SHISA9: variants seen among roughly 807,000 people sequenced by gnomAD.
The protein encoded by SHISA9 is protein shisa-9.
A neutral mutation model predicts 38.0 loss-of-function variants in SHISA9; 13 were observed. The observed-to-expected ratio is 0.34, with a 90% CI of 0.22 to 0.54. The LOEUF is 0.54. SHISA9 is among the 20% of genes least tolerant of loss of function. The pLI is 0.91. For synonymous variants in SHISA9, 275 were observed against 242.0 expected (o/e 1.14, Z -1.27); for missense variants, 538 against 575.8 (o/e 0.93, Z 0.67).
chr16:13,065,254 A>ATT (rs986702481), intron 2 of SHISA9, among the ~76,000 whole-genome samples: 3 of 151,442 alleles, frequency 2.0e-5, no homozygotes, highest in Non-Finnish European at 4.4e-5. Flanking sequence ...CTTATCACTG[A>ATT]TTTTTCTCTC....
chr16:13,070,731 G>A (rs1754250314), intron 2 of SHISA9, among the ~76,000 whole-genome samples: 1 of 152,188 alleles, frequency 6.6e-6, no homozygotes, highest in African/African-American at 2.4e-5. Context: ...TATGCAGTTG[G>A]TGTTATCTTT....
intron 4 of SHISA9, among the ~76,000 whole-genome samples, chr16:13,213,749 A>T (rs111864053): frequency 0.019 from 2,928 of 152,236 alleles, 55 homozygotes; most frequent in Non-Finnish European, 0.032. Context: ...ACAGAATGCT[A>T]TTTTCAACTT....
the SHISA9 span, among the ~76,000 whole-genome samples, chr16:13,516,063 G>T: frequency 1.3e-5 from 2 of 152,134 alleles, no homozygotes; most frequent in African/African-American, 2.4e-5. Context: ...TGCATGGTAG[G>T]CTGCTCAAAA....
chr16:13,164,018 G>C (rs967046367), intron 2 of SHISA9, among the ~76,000 whole-genome samples: 1 of 151,914 alleles, frequency 6.6e-6, no homozygotes, highest in South Asian at 2.1e-4. Context: ...GTAAAATGTT[G>C]AATATAAATG....
At chr16:13,509,118 A>G in the SHISA9 span, among the ~76,000 whole-genome samples, 8 of 152,214 alleles carry the variant, frequency 5.3e-5, no homozygotes, top group East Asian at 1.2e-3. Context: ...GGGTAATCAC[A>G]CAGTGGAGGT....
At chr16:13,111,269 G>A (rs2073975348) in intron 2 of SHISA9, among the ~76,000 whole-genome samples, 2 of 151,816 alleles carry the variant, frequency 1.3e-5, no homozygotes. Context: ...CTTACAGAAT[G>A]GGAGAAAATT....
chr16:13,425,802 G>A, the SHISA9 span, among the ~76,000 whole-genome samples: 4 of 152,192 alleles, frequency 2.6e-5, no homozygotes, highest in African/African-American at 9.7e-5. Context: ...AAACTCATTT[G>A]AGAGTCGTTG....
chr16:13,080,071 C>T (rs908029340), intron 2 of SHISA9, among the ~76,000 whole-genome samples: 1 of 152,070 alleles, frequency 6.6e-6, no homozygotes, highest in Non-Finnish European at 1.5e-5. Flanking sequence ...ATTGGACCAT[C>T]TTGTAAACAC....
chr16:13,011,319 A>ATTTTTTTTT (rs55755155), intron 2 of SHISA9, among the ~76,000 whole-genome samples: 1 of 127,706 alleles, frequency 7.8e-6, no homozygotes, highest in African/African-American at 2.9e-5. Flanking sequence ...ATTAGCACTC[A>ATTTTTTTTT]TTTTTTTTTT....
At chr16:13,190,183 A>T (rs1291210469) in intron 2 of SHISA9, among the ~76,000 whole-genome samples, 1 of 151,516 alleles carries the variant, frequency 6.6e-6, no homozygotes, top group Admixed American at 6.6e-5. Flanking sequence ...GCACCCACTA[A>T]CTTGTCATCC....
At chr16:13,113,036 C>T (rs1451662338) in intron 2 of SHISA9, among the ~76,000 whole-genome samples, 1 of 151,678 alleles carries the variant, frequency 6.6e-6, no homozygotes, top group African/African-American at 2.4e-5. Context: ...ATGGTAAAAC[C>T]CCATCTCTAT....
At chr16:13,245,333 C>G (rs943079259), downstream of SHISA9, among the ~76,000 whole-genome samples, 5 of 152,210 alleles carry the variant, frequency 3.3e-5, no homozygotes, top group African/African-American at 7.2e-5. Context: ...ATTCTACCCA[C>G]AAATCCCTCT....
the SHISA9 span, among the ~76,000 whole-genome samples, chr16:13,291,657 T>A: frequency 2.0e-5 from 3 of 152,198 alleles, no homozygotes; most frequent in Non-Finnish European, 4.4e-5. Flanking sequence ...AAGTTGATAT[T>A]TGAGTTACTT....
the SHISA9 span, among the ~76,000 whole-genome samples, chr16:13,409,597 G>A: frequency 1.3e-5 from 2 of 152,266 alleles, no homozygotes; most frequent in Non-Finnish European, 2.9e-5. Flanking sequence ...AGCTACACAA[G>A]GGCAGCTTAT....
At chr16:13,045,317 G>T (rs1185494006) in intron 2 of SHISA9, among the ~76,000 whole-genome samples, 1 of 152,178 alleles carries the variant, frequency 6.6e-6, no homozygotes, top group Non-Finnish European at 1.5e-5. Flanking sequence ...TGCAGGTACA[G>T]ACAGATGACT....
intron 2 of SHISA9, among the ~76,000 whole-genome samples, chr16:13,028,800 C>A (rs988181410): frequency 2.0e-5 from 3 of 152,130 alleles, no homozygotes; most frequent in African/African-American, 7.2e-5. Flanking sequence ...TATGACCATC[C>A]TTGAATCAAT....
intron 2 of SHISA9, among the ~76,000 whole-genome samples, chr16:13,025,732 C>CT (rs976979792): frequency 3.5e-4 from 54 of 152,142 alleles, no homozygotes; most frequent in South Asian, 8.3e-4. Context: ...CGGGTCAGTT[C>CT]TTTTTTTTAT....
the SHISA9 span, among the ~76,000 whole-genome samples, chr16:13,436,584 T>C: frequency 6.6e-6 from 1 of 152,192 alleles, no homozygotes; most frequent in East Asian, 1.9e-4. Flanking sequence ...AGCCATTCTT[T>C]TATTCCTTTA....
chr16:13,166,158 C>T (rs1323069163), intron 2 of SHISA9, among the ~76,000 whole-genome samples: 1 of 152,180 alleles, frequency 6.6e-6, no homozygotes, highest in East Asian at 1.9e-4. Context: ...TAATCAAGGT[C>T]CTGATAAATG....
Sources: allele counts gnomAD v4.1 joint callset (sites outside exome capture counted in the v4.1 genomes callset), GRCh38; gene constraint gnomAD v4.1.1; transcripts MANE v1.5; gene names NCBI Gene and HGNC (gene_info 2026-07-23, HGNC 2026-07-21).